Variants in CRTC1 observed in about 807,000 individuals in gnomAD.
CRTC1 encodes CREB-regulated transcription coactivator 1.
A neutral mutation model predicts 66.1 loss-of-function variants in CRTC1; 18 were observed. The observed-to-expected ratio is 0.27, with a 90% CI of 0.19 to 0.40. The LOEUF (loss-of-function observed/expected upper bound fraction) is 0.40, where lower values mean the gene tolerates loss of function less well. Ranked by LOEUF, CRTC1 falls within the 10% of genes least tolerant of loss-of-function variation. CRTC1 has a pLI of 1.00. For missense variants in CRTC1, 669 were observed against 887.9 expected (o/e 0.75, Z 3.13); for synonymous variants, 416 against 398.8 (o/e 1.04, Z -0.51).
rs1243431636 is a variant in CRTC1, at chr19:18,778,901, G to C, written c.*1519G>C. The C allele has an allele frequency of 3.5e-5, 8 of 231,456 alleles. No homozygotes were observed. Among genetic ancestry groups the C allele is most frequent in the Admixed American group, 3.4e-4 (6 of 17,718 alleles). 14.3% of individuals were successfully genotyped at this position (231,456 alleles called of 1,614,324 possible). On this transcript the variant is annotated 3_prime_UTR_variant, in exon 14 of 14. Transcript: ENST00000321949. ...CGTGGTCTGCTGGCTGCCCCTTCTT[G>C]GCAGCTCAGGGTCGTGGCAGGTGGA...
intron 1 of CRTC1, among the ~76,000 whole-genome samples, chr19:18,734,878 A>G (rs2053964658): frequency 6.6e-6 from 1 of 152,268 alleles, no homozygotes; most frequent in African/African-American, 2.4e-5. Context: ...CCTGGGACCC[A>G]GTGCCTGGAG....
At chr19:18,750,700 T>C (rs2054344882) in intron 5 of CRTC1, among the ~76,000 whole-genome samples, 1 of 152,180 alleles carries the variant, frequency 6.6e-6, no homozygotes, top group African/African-American at 2.4e-5. Context: ...AGGGAGATTC[T>C]GCTGATAGGA....
chr19:18,701,457 G>T (rs1000622602), intron 1 of CRTC1, among the ~76,000 whole-genome samples: 2 of 152,264 alleles, frequency 1.3e-5, no homozygotes, highest in Non-Finnish European at 2.9e-5. Context: ...CTGCTACTTG[G>T]GGCAACAGTG....
At chr19:18,703,083 C>T (rs962519832) in intron 1 of CRTC1, among the ~76,000 whole-genome samples, 5 of 151,144 alleles carry the variant, frequency 3.3e-5, no homozygotes, top group East Asian at 2.0e-4. Flanking sequence ...CCTGGGTTCA[C>T]GCCATTCTCC....
intron 4 of CRTC1, among the ~76,000 whole-genome samples, chr19:18,747,888 A>G (rs2054280570): frequency 1.3e-5 from 2 of 152,150 alleles, no homozygotes; most frequent in African/African-American, 4.8e-5. Context: ...ACCAGCCTGA[A>G]CAACATAGAA....
intron 1 of CRTC1, among the ~76,000 whole-genome samples, chr19:18,742,424 C>T (rs372371079): frequency 6.6e-6 from 1 of 152,286 alleles, no homozygotes. Context: ...GGGCTGCCGT[C>T]GGGATCACAA....
Position 18,777,375 on chromosome 19 carries a change from G to C in CRTC1, c.1898G>C (p.Arg633Pro). 1.2e-6 allele frequency: 2 copies of C among 1,602,486 alleles called. No individual in the cohort carries two copies. The highest frequency in any genetic ancestry group is 8.5e-7 in the Non-Finnish European group (1 of 1,179,810). ...PATEDTFRMD[R>P]L ...ACCGAGGACACCTTCCGGATGGACC[G>C]CCTGTGAGCGGGCACGCCGGCACCC... The change falls in exon 14 of 14, where the codon CGC becomes CCC. Residue 633 changes from arginine (R) to proline (P), a missense_variant. Coordinates refer to ENST00000321949, the MANE Select transcript of CRTC1 (RefSeq NM_015321.3). The surrounding 1 kb of genome is among the most constrained non-coding windows in gnomAD (Gnocchi z 5.5).
At chr19:18,748,374 A>ATTTTT (rs777077338) in intron 4 of CRTC1, among the ~76,000 whole-genome samples, 1 of 75,392 alleles carries the variant, frequency 1.3e-5, no homozygotes, top group Admixed American at 1.6e-4. Context: ...CTTCCAGCTG[A>ATTTTT]TTTTTTTTTT....
In CRTC1 at chr19:18,756,721, G is replaced by A. The variant is rs113263842; in HGVS notation, c.625-2830G>A. 5.6e-3 allele frequency among the ~76,000 whole-genome samples: 845 copies of A among 152,234 alleles called. 6 individuals are homozygous for A. The highest frequency in any genetic ancestry group is 0.016 in the African/African-American group (657 of 41,542). ...CACCCACACAGCTGGATGTTCTGCCGTTACTCAAGAAAAGGAAGATGGCGA... is the reference window on the plus strand; with the variant it reads ...CACCCACACAGCTGGATGTTCTGCCATTACTCAAGAAAAGGAAGATGGCGA... On this transcript the variant is annotated intron_variant, in intron 6 of 13. Coordinates refer to ENST00000321949, the MANE Select transcript of CRTC1 (RefSeq NM_015321.3).
chr19:18,778,800 C>T lies in CRTC1; in HGVS notation c.*1418C>T, dbSNP rs1405455447. 2 of 231,422 alleles carry T rather than the reference C, an allele frequency of 8.6e-6. No homozygotes were observed. The highest frequency in any genetic ancestry group is 1.7e-5 in the Non-Finnish European group (2 of 116,870). The allele number at this position is 231,422 out of a possible 1,614,324, so 14.3% of individuals were successfully genotyped here. A position where few individuals can be genotyped will look rare whatever the true frequency, so the allele number is the denominator to read the frequency against. The stretch of plus-strand genomic sequence containing the variant: ...CGAGGACCACGGTCCTCCCTGAGAA[C>T]CTGGGTGGAACTGGCATTTCATCCC... On this transcript the variant is annotated 3_prime_UTR_variant, in exon 14 of 14. Coordinates refer to ENST00000321949, the MANE Select transcript of CRTC1 (RefSeq NM_015321.3).
chr19:18,717,801 C>T (rs1434035062), intron 1 of CRTC1, among the ~76,000 whole-genome samples: 1 of 152,020 alleles, frequency 6.6e-6, no homozygotes, highest in Non-Finnish European at 1.5e-5. Context: ...CAGCCCTGGT[C>T]AAGGCAGCAG....
chr19:18,755,340 G>T (rs2054459543), intron 6 of CRTC1, among the ~76,000 whole-genome samples: 1 of 152,112 alleles, frequency 6.6e-6, no homozygotes, highest in Non-Finnish European at 1.5e-5. Flanking sequence ...GCTCACTGCA[G>T]CCTTGGAGTC....
chr19:18,777,534 C>T lies in CRTC1; in HGVS notation c.*152C>T, dbSNP rs1190668314. ...CCCCGCCAGCCCGCCCCCGGTTGTC[C>T]ACCTCCCGCGAAGCCCAATCGCGAG... On this transcript the variant is annotated 3_prime_UTR_variant, in exon 14 of 14. Coordinates refer to ENST00000321949, the MANE Select transcript of CRTC1 (RefSeq NM_015321.3). The surrounding 1 kb of genome is among the most constrained non-coding windows in gnomAD (Gnocchi z 5.5). The T allele has an allele frequency of 2.1e-5, 15 of 721,562 alleles. No individual in the cohort carries two copies. In the Admixed American group the frequency reaches 2.2e-4, roughly 11 times the overall value. 44.7% of individuals were successfully genotyped at this position (721,562 alleles called of 1,614,324 possible). A position where few individuals can be genotyped will look rare whatever the true frequency, so the allele number is the denominator to read the frequency against.
At chr19:18,737,371 G>C (rs148541017) in intron 1 of CRTC1, among the ~76,000 whole-genome samples, 4 of 152,070 alleles carry the variant, frequency 2.6e-5, no homozygotes, top group African/African-American at 9.7e-5. Flanking sequence ...TGCCTCCCAC[G>C]TGCCTCCACT....
chr19:18,690,504 C>G (rs2052804079), intron 1 of CRTC1, among the ~76,000 whole-genome samples: 1 of 152,174 alleles, frequency 6.6e-6, no homozygotes, highest in Admixed American at 6.5e-5. Context: ...TCTCCAGGCC[C>G]CTCCAAAAAG....
chr19:18,773,973 T>TG (rs1291959855), intron 11 of CRTC1, among the ~76,000 whole-genome samples: 5 of 152,324 alleles, frequency 3.3e-5, no homozygotes, highest in Non-Finnish European at 2.9e-5. Flanking sequence ...GGCCAGGGCT[T>TG]TGGGTCTGTG....
intron 4 of CRTC1, 24 bp downstream of exon 4, chr19:18,747,138 C>CT: frequency 1.1e-6 from 1 of 918,108 alleles, no homozygotes; most frequent in Non-Finnish European, 1.6e-6. Context: ...CACCCCCCCC[C>CT]CGCCCCCTTC....
At chr19:18,693,173 G>A (rs560675829) in intron 1 of CRTC1, among the ~76,000 whole-genome samples, 2 of 151,114 alleles carry the variant, frequency 1.3e-5, no homozygotes, top group Non-Finnish European at 1.5e-5. Flanking sequence ...GGCAGATCAC[G>A]AGGTCAAGAG....
chr19:18,751,065 C>T (rs1371581796), intron 5 of CRTC1, among the ~76,000 whole-genome samples: 9 of 152,172 alleles, frequency 5.9e-5, no homozygotes, highest in Admixed American at 5.9e-4. Context: ...TCATCTATCC[C>T]CACTCTCCTC....
Sources: gnomAD v4.1 joint callset for allele counts (sites outside exome capture counted in the v4.1 genomes callset) on GRCh38, gnomAD v4.1.1 for gene constraint, Gnocchi (gnomAD v3.1) non-coding constraint, MANE v1.5 for transcripts, NCBI Gene and HGNC (gene_info 2026-07-23, HGNC 2026-07-21) for gene names.